Variants in CAPN13 observed in about 807,000 individuals in gnomAD.
CAPN13 encodes calpain 13.
In CAPN13, 90 loss-of-function variants were observed where a neutral mutation model predicts 98.4. The observed-to-expected ratio is 0.92, with a 90% CI of 0.77 to 1.09. The LOEUF is 1.09. Ranked by LOEUF, CAPN13 falls within the 50% of genes least tolerant of loss-of-function variation. The pLI, the probability that CAPN13 is intolerant of heterozygous loss-of-function variation, is 0.00. For missense variants in CAPN13, 887 were observed against 841.3 expected, an observed-to-expected ratio of 1.05 and a Z score of -0.67; for synonymous variants, 330 against 305.5, an observed-to-expected ratio of 1.08 and a Z score of -0.84.
intron 1 of CAPN13, among the ~76,000 whole-genome samples, chr2:30,799,064 C>A (rs1303569079): frequency 1.3e-5 from 2 of 151,870 alleles, no homozygotes; most frequent in Non-Finnish European, 2.9e-5. Context: ...CCTTGGCATA[C>A]CTCAGGGCTT....
chr2:30,754,554 G>T (rs1229258182), intron 8 of CAPN13, among the ~76,000 whole-genome samples, 190 bp from the exon 9 acceptor site: 2 of 152,116 alleles, frequency 1.3e-5, no homozygotes, highest in Non-Finnish European at 2.9e-5. Flanking sequence ...TCCCCAGCCT[G>T]GTCTTCTTTC....
chr2:30,778,876 C>T (rs927247794), intron 2 of CAPN13, among the ~76,000 whole-genome samples: 5 of 152,190 alleles, frequency 3.3e-5, no homozygotes, highest in Admixed American at 2.6e-4. Flanking sequence ...TCTGCCAGAG[C>T]CATCGTGGGC....
At chr2:30,726,105 G>T (rs1670847161) in intron 22 of CAPN13, among the ~76,000 whole-genome samples, 1 of 152,206 alleles carries the variant, frequency 6.6e-6, no homozygotes, top group Non-Finnish European at 1.5e-5. Context: ...CTCCAGGGTA[G>T]GTGTTTCGCT....
rs541132587 is a variant in CAPN13 at position 30,764,429 on chromosome 2, T to C, written c.525-123A>G. ...GGGCTGCCTGGTCCACTCCTGATCA[T>C]GGCCACCCACCTCCCCTTTGCCTGG... On this transcript the variant is annotated intron_variant, in intron 5 of 22. Coordinates refer to ENST00000295055, the MANE Select transcript of CAPN13 (RefSeq NM_144575.3). 6.0e-6 allele frequency: 6 copies of C among 1,004,438 alleles called. No homozygotes were observed. The South Asian group carries it at 6.4e-5, about 11-fold the overall frequency. 62.2% of individuals were successfully genotyped at this position (1,004,438 alleles called of 1,614,324 possible). A position where few individuals can be genotyped will look rare whatever the true frequency, so the allele number is the denominator to read the frequency against.
intron 11 of CAPN13, among the ~76,000 whole-genome samples, chr2:30,749,009 C>T (rs1047483099): frequency 2.6e-5 from 4 of 152,124 alleles, no homozygotes; most frequent in African/African-American, 9.7e-5. Flanking sequence ...AGCTGAGACC[C>T]TAAGTTCTGG....
chr2:30,801,856 C>T (rs901631371), intron 1 of CAPN13, among the ~76,000 whole-genome samples: 2 of 152,122 alleles, frequency 1.3e-5, no homozygotes, highest in East Asian at 1.9e-4. Context: ...CCAGCATTGA[C>T]GGTGCCAGAA....
Position 30,770,293 on chromosome 2 carries a change from G to A in CAPN13, c.524+20C>T. On this transcript the variant is annotated intron_variant, in intron 5 of 22. Coordinates refer to ENST00000295055, the MANE Select transcript of CAPN13 (RefSeq NM_144575.3). ...CCAGCACTGAAACTCTGGGCTGATG[G>A]GTGGCGGGGTTGTACTTACTTGGCA... 1 of 1,612,008 alleles carries A rather than the reference G, an allele frequency of 6.2e-7. No individual in the cohort carries two copies.
At chr2:30,758,961 C>A (rs937642786) in intron 7 of CAPN13, among the ~76,000 whole-genome samples, 2 of 129,782 alleles carry the variant, frequency 1.5e-5, no homozygotes, top group African/African-American at 6.1e-5. Context: ...TTCCCTCCTT[C>A]CTTCTGTTTC....
rs184805064 is a variant in CAPN13, at chr2:30,738,462, T to C, written c.1537-5A>G. 8.0e-3 allele frequency: 12,781 copies of C among 1,601,006 alleles called. 73 individuals carry two copies. Among genetic ancestry groups the C allele is most frequent in the Non-Finnish European group, 9.1e-3 (10,660 of 1,173,416 alleles). On this transcript the variant is annotated splice_polypyrimidine_tract_variant and splice_region_variant and intron_variant, in intron 15 of 22. Coordinates refer to ENST00000295055, the MANE Select transcript of CAPN13 (RefSeq NM_144575.3). ...GGTGGCATCAATGTCCAGCCTCTGA[T>C]CCAAACAAGGAAGGAATGCAGGAAT... is the stretch of plus-strand genomic sequence containing the variant.
intron 5 of CAPN13, among the ~76,000 whole-genome samples, chr2:30,765,284 G>T (rs1321855526): frequency 2.0e-5 from 3 of 152,194 alleles, no homozygotes; most frequent in African/African-American, 7.2e-5. Flanking sequence ...AGCTCACAGA[G>T]GATATGGAAC....
chr2:30,805,982 G>A (rs1015297181), intron 1 of CAPN13, among the ~76,000 whole-genome samples: 26 of 151,978 alleles, frequency 1.7e-4, no homozygotes, highest in Non-Finnish European at 2.2e-4. Flanking sequence ...GTTTCACCAT[G>A]TTGCCCAGGC....
At position 30,807,388 on chromosome 2, in the gene CAPN13, G is replaced by A. The variant is rs566547482; in HGVS notation, c.-119C>T. 6.5e-6 allele frequency: 1 copy of A among 152,752 alleles called. No individual in the cohort carries two copies. The highest frequency in any genetic ancestry group is 6.5e-5 in the Admixed American group (1 of 15,306). 9.5% of individuals were successfully genotyped at this position (152,752 alleles called of 1,614,324 possible). A position where few individuals can be genotyped will look rare whatever the true frequency, so the allele number is the denominator to read the frequency against. On this transcript the variant is annotated 5_prime_UTR_variant, in exon 1 of 23. Coordinates refer to ENST00000295055, the MANE Select transcript of CAPN13 (RefSeq NM_144575.3). Reference sequence around the variant, plus strand: ...AGGTTAGAGAGTGGTGGAGGAGACTGGCAGAGGAGGAGAGCATGGCCGGCC... The same window carrying A: ...AGGTTAGAGAGTGGTGGAGGAGACTAGCAGAGGAGGAGAGCATGGCCGGCC...
chr2:30,750,056 C>T (rs898565634), intron 11 of CAPN13, among the ~76,000 whole-genome samples: 4 of 152,154 alleles, frequency 2.6e-5, no homozygotes, highest in African/African-American at 9.7e-5. Context: ...ATGGAATCAA[C>T]CTAAATGCCC....
At chr2:30,741,773 G>A in intron 15 of CAPN13, 135 bp downstream of exon 15, 3 of 1,520,404 alleles carry the variant, frequency 2.0e-6, no homozygotes, top group Non-Finnish European at 2.6e-6. Context: ...GACGATCCAG[G>A]AAGAGAGGCA....
At chr2:30,800,606 T>C (rs1009324382) in intron 1 of CAPN13, among the ~76,000 whole-genome samples, 3 of 152,266 alleles carry the variant, frequency 2.0e-5, no homozygotes, top group African/African-American at 4.8e-5. Context: ...CTCGCACTTC[T>C]AAGTGCTTTT....
rs113653919 is a variant in CAPN13 at position 30,759,073 on chromosome 2, C to T, written c.775-936G>A. On this transcript the variant is annotated intron_variant, in intron 7 of 22. Coordinates refer to ENST00000295055, the MANE Select transcript of CAPN13 (RefSeq NM_144575.3). ...TTCCTTCCCTCCCTCCCTCCCTCCT[C>T]CCTCCCTTCCTCTCTGCCTCCCTTC... 8.4e-3 allele frequency among the ~76,000 whole-genome samples: 257 copies of T among 30,466 alleles called. 1 individual carries two copies. The highest frequency in any genetic ancestry group is 0.01 in the Non-Finnish European group (162 of 15,948). 20.0% of individuals were successfully genotyped at this position (30,466 alleles called of 152,430 possible).
chr2:30,728,590 GAA>G (rs929786961), intron 22 of CAPN13, among the ~76,000 whole-genome samples: 8 of 152,142 alleles, frequency 5.3e-5, no homozygotes, highest in Admixed American at 4.6e-4. Context: ...TAGAGAGCAG[GAA>G]AAAGAGGGAC....
At chr2:30,732,658 C>G (rs1005594293) in intron 19 of CAPN13, 92 bp from the exon 20 acceptor site, 13 of 1,489,368 alleles carry the variant, frequency 8.7e-6, no homozygotes, top group Non-Finnish European at 1.1e-5. Context: ...TCAGAGGGCC[C>G]GGCCACCTCC....
intron 7 of CAPN13, among the ~76,000 whole-genome samples, chr2:30,760,037 T>C (rs957612670): frequency 6.6e-6 from 1 of 152,180 alleles, no homozygotes; most frequent in African/African-American, 2.4e-5. Context: ...TTTCCACCCC[T>C]GTCTGCCCTA....
Sources: gnomAD v4.1 joint callset for allele counts (sites outside exome capture counted in the v4.1 genomes callset) on GRCh38, gnomAD v4.1.1 for gene constraint, MANE v1.5 for transcripts, NCBI Gene and HGNC (gene_info 2026-07-23, HGNC 2026-07-21) for gene names.